LRRTM4: variants seen among roughly 807,000 people sequenced by gnomAD.
LRRTM4 encodes the protein leucine-rich repeat transmembrane neuronal protein 4.
In LRRTM4, 25 loss-of-function variants were observed where a neutral mutation model predicts 47.6. The ratio of observed to expected loss-of-function variants is 0.53; its 90% CI spans 0.38 to 0.73. LRRTM4 has a LOEUF of 0.73. Ranked by LOEUF, LRRTM4 falls within the 30% of genes least tolerant of loss-of-function variation. The pLI is 0.00. For missense variants in LRRTM4, 638 were observed against 713.4 expected, an observed-to-expected ratio of 0.89 and a Z score of 1.20; for synonymous variants, 311 against 269.5, an observed-to-expected ratio of 1.15 and a Z score of -1.51.
chr2:76,828,149 G>A (rs1041459363), intron 3 of LRRTM4, among the ~76,000 whole-genome samples: 8 of 151,858 alleles, frequency 5.3e-5, no homozygotes, highest in African/African-American at 1.9e-4. Context: ...TATCTCCTGT[G>A]AATTTCACTT....
intron 3 of LRRTM4, among the ~76,000 whole-genome samples, chr2:76,874,597 T>C (rs994083973): frequency 4.0e-5 from 6 of 150,526 alleles, no homozygotes. Flanking sequence ...AAGGGACCAC[T>C]GTTTATTTAG....
intron 3 of LRRTM4, among the ~76,000 whole-genome samples, chr2:77,020,554 G>A (rs538407680): frequency 9.2e-5 from 14 of 152,038 alleles, no homozygotes; most frequent in Non-Finnish European, 1.6e-4. Flanking sequence ...AAAAATCATA[G>A]ATCTGACATT....
rs58615415 is a variant in LRRTM4 at position 76,913,543 on chromosome 2, A to ATTTTTTTTTTTTTTTTTTTTTT, written c.1552-164628_1552-164627insAAAAAAAAAAAAAAAAAAAAAA. 1.4e-4 allele frequency among the ~76,000 whole-genome samples: 17 copies of ATTTTTTTTTTTTTTTTTTTTTT among 121,470 alleles called. 2 individuals carry two copies. Among genetic ancestry groups the ATTTTTTTTTTTTTTTTTTTTTT allele is most frequent in the African/African-American group, 4.9e-4 (15 of 30,642 alleles). The allele number at this position is 121,470 out of a possible 152,430, so 79.7% of individuals were successfully genotyped here. A position where few individuals can be genotyped will look rare whatever the true frequency, so the allele number is the denominator to read the frequency against. ...CCAAATATTTAGAGATCCTATTTCA[A>ATTTTTTTTTTTTTTTTTTTTTT]TTTTTTTTTTTTTTGAGACAGAGTC... On this transcript the variant is annotated intron_variant, in intron 3 of 3. Coordinates refer to ENST00000409884, the MANE Select transcript of LRRTM4 (RefSeq NM_001134745.3).
intron 3 of LRRTM4, among the ~76,000 whole-genome samples, chr2:77,021,098 CTATCTATCTATG>C (rs1285877717): frequency 2.2e-5 from 3 of 134,108 alleles, no homozygotes; most frequent in Non-Finnish European, 4.8e-5. Context: ...TTCTCTGTAT[CTATCTATCTATG>C]TATCTATCTA....
intron 3 of LRRTM4, among the ~76,000 whole-genome samples, chr2:76,788,717 T>A (rs578220187): frequency 6.6e-6 from 1 of 152,316 alleles, no homozygotes; most frequent in South Asian, 2.1e-4. Flanking sequence ...TCCTTTTATA[T>A]CTATTCTATC....
chr2:77,385,170 G>A (rs1163829416), intron 3 of LRRTM4, among the ~76,000 whole-genome samples: 2 of 152,066 alleles, frequency 1.3e-5, no homozygotes, highest in Non-Finnish European at 2.9e-5. Flanking sequence ...TTGCCCCTGA[G>A]AAACAAATCA....
chr2:76,789,445 G>C (rs1403122885), intron 3 of LRRTM4, among the ~76,000 whole-genome samples: 1 of 152,100 alleles, frequency 6.6e-6, no homozygotes, highest in Non-Finnish European at 1.5e-5. Flanking sequence ...AACACCATGC[G>C]TTGTATGACA....
intron 3 of LRRTM4, among the ~76,000 whole-genome samples, chr2:77,025,270 T>C (rs1678415465): frequency 6.6e-6 from 1 of 152,166 alleles, no homozygotes; most frequent in Non-Finnish European, 1.5e-5. Context: ...TTGAAAAAGG[T>C]TGATTTACGA....
chr2:77,399,903 C>A (rs1673873509), intron 3 of LRRTM4, among the ~76,000 whole-genome samples: 1 of 151,830 alleles, frequency 6.6e-6, no homozygotes, highest in Non-Finnish European at 1.5e-5. Flanking sequence ...AAAGGACAGA[C>A]CATGAAGTCA....
chr2:77,322,826 A>ACT (rs61495510), intron 3 of LRRTM4, among the ~76,000 whole-genome samples: 4,748 of 133,106 alleles, frequency 0.036, 87 homozygotes, highest in South Asian at 0.051. Context: ...AACTACATAA[A>ACT]CTCTCTCTCT....
chr2:77,154,108 T>A (rs1206967396), intron 3 of LRRTM4, among the ~76,000 whole-genome samples: 1 of 152,216 alleles, frequency 6.6e-6, no homozygotes, highest in Non-Finnish European at 1.5e-5. Context: ...TGCAAAGTGT[T>A]CTTAATTGGC....
intron 3 of LRRTM4, among the ~76,000 whole-genome samples, chr2:77,320,036 G>T (rs1341335219): frequency 1.3e-5 from 2 of 151,962 alleles, no homozygotes; most frequent in Admixed American, 1.3e-4. Flanking sequence ...TTTTTTAGGG[G>T]AAACCGGCCT....
chr2:77,081,432 TAGAA>T (rs1169132251), intron 3 of LRRTM4, among the ~76,000 whole-genome samples: 1 of 152,080 alleles, frequency 6.6e-6, no homozygotes, highest in Non-Finnish European at 1.5e-5. Flanking sequence ...AATTGGAACA[TAGAA>T]AGTTAATGAA....
At chr2:76,769,007 T>C (rs55756601) in intron 3 of LRRTM4, among the ~76,000 whole-genome samples, 31,416 of 152,112 alleles carry the variant, frequency 0.21, 3,706 homozygotes, top group African/African-American at 0.32. Flanking sequence ...TGAACAAAGA[T>C]ACCAAACGAA....
intron 3 of LRRTM4, among the ~76,000 whole-genome samples, chr2:77,440,464 A>G (rs911678605): frequency 3.3e-5 from 5 of 152,156 alleles, no homozygotes; most frequent in African/African-American, 1.2e-4. Context: ...TAGGAGTGCA[A>G]TCGACAGGGA....
chr2:77,249,733 AC>A (rs1675551726), intron 3 of LRRTM4, among the ~76,000 whole-genome samples: 1 of 152,338 alleles, frequency 6.6e-6, no homozygotes, highest in East Asian at 1.9e-4. Context: ...GAAAAATGGT[AC>A]AGCTACTTTG....
In LRRTM4 at chr2:76,986,880, G is replaced by A. The variant is rs142377636; in HGVS notation, c.1552-237964C>T. 3.7e-3 allele frequency among the ~76,000 whole-genome samples: 559 copies of A among 151,922 alleles called. 1 individual carries two copies. Among genetic ancestry groups the A allele is most frequent in the African/African-American group, 0.013 (534 of 41,492 alleles). ...ATTGTATGCAACTAAAATAAACATG[G>A]CAAATACATTACCTCATCTTCAATT... On this transcript the variant is annotated intron_variant, in intron 3 of 3. Transcript: ENST00000409884.
intron 3 of LRRTM4, among the ~76,000 whole-genome samples, chr2:77,294,140 A>C (rs116616584): frequency 0.031 from 4,774 of 152,044 alleles, 257 homozygotes; most frequent in African/African-American, 0.11. Context: ...ATTATTTTAT[A>C]ATTATTCTCT....
intron 3 of LRRTM4, among the ~76,000 whole-genome samples, chr2:77,466,957 C>T (rs1412086324): frequency 6.6e-6 from 1 of 151,962 alleles, no homozygotes; most frequent in Non-Finnish European, 1.5e-5. Flanking sequence ...CCTTAGCCTC[C>T]CAAGTGCTGG....
Sources: gnomAD v4.1 joint callset for allele counts (sites outside exome capture counted in the v4.1 genomes callset) on GRCh38, gnomAD v4.1.1 for gene constraint, MANE v1.5 for transcripts, NCBI Gene and HGNC (gene_info 2026-07-23, HGNC 2026-07-21) for gene names.